ZFYVE9: variants seen among roughly 807,000 people sequenced by gnomAD.
The protein encoded by ZFYVE9 is zinc finger FYVE domain-containing protein 9.
ZFYVE9 carries 43 observed loss-of-function variants against 126.7 expected under a neutral mutation model. That is an observed-to-expected ratio of 0.34 (90% CI 0.27 to 0.44). The LOEUF is 0.44. ZFYVE9 is among the 20% of genes least tolerant of loss of function. The pLI, the probability that ZFYVE9 is intolerant of heterozygous loss-of-function variation, is 1.00. For synonymous variants in ZFYVE9, 521 were observed against 597.4 expected (o/e 0.87, Z 1.87); for missense variants, 1,476 against 1,697.0 (o/e 0.87, Z 2.29).
chr1:52,223,874 A>G (rs906935177), intron 2 of ZFYVE9, among the ~76,000 whole-genome samples: 7 of 152,172 alleles, frequency 4.6e-5, no homozygotes, highest in African/African-American at 1.7e-4. Context: ...CCAGACTATC[A>G]TGGCAGCCCT....
intron 13 of ZFYVE9, among the ~76,000 whole-genome samples, chr1:52,326,713 A>AAC (rs921182944): frequency 1.3e-5 from 2 of 151,158 alleles, no homozygotes; most frequent in African/African-American, 4.9e-5. Context: ...AAAAAAAAAA[A>AAC]ATAGCTGGAC....
chr1:52,309,754 TAATG>T (rs1472892219), intron 13 of ZFYVE9, among the ~76,000 whole-genome samples: 1 of 152,088 alleles, frequency 6.6e-6, no homozygotes, highest in African/African-American at 2.4e-5. Flanking sequence ...AAAAGTGACT[TAATG>T]AAAGCAGGAT....
At chr1:52,177,495 A>G (rs1261585616) in intron 1 of ZFYVE9, among the ~76,000 whole-genome samples, 1 of 152,202 alleles carries the variant, frequency 6.6e-6, no homozygotes, top group African/African-American at 2.4e-5. Flanking sequence ...TCTGTCCAGT[A>G]CATGACCCAT....
chr1:52,233,214 A>G lies in ZFYVE9; in HGVS notation c.8A>G (p.Asn3Ser). Reference protein sequence around the residue: MENYFQAEAYNLD... With the variant: MESYFQAEAYNLD... ...AGTGGTGTTTCCTCACCGATGGAGA[A>G]TTACTTCCAAGCAGAAGCTTACAAC... is the stretch of plus-strand genomic sequence containing the variant. Residue 3 changes from asparagine to serine, a missense_variant, in exon 3 of 19, where the codon AAT (asparagine) becomes AGT (serine). By Grantham distance (46) the Asn-to-Ser change is conservative. Around this residue, in one of 2 missense-constraint regions of ZFYVE9, gnomAD observed 807 missense variants for 794.6 expected, o/e 1.02. Transcript: ENST00000287727. 1 of 1,579,712 alleles carries G rather than the reference A, an allele frequency of 6.3e-7. No homozygotes were observed. The highest frequency in any genetic ancestry group is 8.6e-7 in the Non-Finnish European group (1 of 1,160,160).
Position 52,263,776 on chromosome 1 carries a change from T to G in ZFYVE9, c.2182T>G (p.Phe728Val). ...CTTCCCCCCCCCCCCCCCACAGGTT[T>G]TCTGTGCTTCCTGCTGTAGCCTGAA... is the stretch of plus-strand genomic sequence containing the variant. ...RHHCRACGKV[F>V]CASCCSLKCK... The change falls in exon 5 of 19, where the codon TTC becomes GTC. Residue 728 changes from phenylalanine to valine, a missense_variant. By Grantham distance (50) the Phe-to-Val change is conservative. This residue lies in a region of ZFYVE9 where 669 missense variants were observed against 902.4 expected (regional missense o/e 0.74). Transcript: ENST00000287727. 2.4e-6 allele frequency: 2 copies of G among 830,748 alleles called. No individual in the cohort carries two copies. The highest frequency in any genetic ancestry group is 3.5e-6 in the Non-Finnish European group (2 of 578,662). 51.5% of individuals were successfully genotyped at this position (830,748 alleles called of 1,614,324 possible).
At chr1:52,170,691 G>T (rs1335215171) in intron 1 of ZFYVE9, among the ~76,000 whole-genome samples, 1 of 151,878 alleles carries the variant, frequency 6.6e-6, no homozygotes, top group Non-Finnish European at 1.5e-5. Flanking sequence ...ATTATTATTT[G>T]TTTCAATAAA....
intron 1 of ZFYVE9, among the ~76,000 whole-genome samples, chr1:52,204,789 C>T (rs929143938): frequency 6.6e-6 from 1 of 152,172 alleles, no homozygotes; most frequent in African/African-American, 2.4e-5. Context: ...GTTCCCTTTC[C>T]CCTTTCCCTG....
intron 13 of ZFYVE9, among the ~76,000 whole-genome samples, chr1:52,323,582 T>A (rs1646261664): frequency 6.6e-6 from 1 of 152,196 alleles, no homozygotes; most frequent in South Asian, 2.1e-4. Flanking sequence ...GAAGGCAGCC[T>A]GGGCACATAG....
At chr1:52,167,076 T>A (rs1231401651) in intron 1 of ZFYVE9, among the ~76,000 whole-genome samples, 1 of 152,232 alleles carries the variant, frequency 6.6e-6, no homozygotes, top group East Asian at 1.9e-4. Context: ...AAAAGAAATG[T>A]CTGCTTCATT....
intron 2 of ZFYVE9, 59 bp from the exon 3 acceptor site, chr1:52,233,112 C>A: frequency 1.3e-6 from 1 of 782,556 alleles, no homozygotes; most frequent in South Asian, 4.0e-5. Context: ...TGTGTATATA[C>A]TTAAGATTTA....
intron 1 of ZFYVE9, among the ~76,000 whole-genome samples, chr1:52,151,367 T>A (rs2124495631): frequency 6.6e-6 from 1 of 152,236 alleles, no homozygotes; most frequent in South Asian, 2.1e-4. Context: ...AACTGAGGCT[T>A]GGAGAGTTTT....
intron 4 of ZFYVE9, among the ~76,000 whole-genome samples, chr1:52,246,734 A>C (rs1297756199): frequency 5.8e-4 from 54 of 92,498 alleles, no homozygotes; most frequent in Admixed American, 1.0e-3. Flanking sequence ...ATGGAGTTTC[A>C]CTCTTGTTGC....
In ZFYVE9 at chr1:52,239,102, C is replaced by A. The variant is rs757129930; in HGVS notation, c.1685C>A (p.Ser562Tyr). The change falls in exon 4 of 19, where the codon TCC (serine) becomes TAC (tyrosine). Residue 562 changes from serine to tyrosine, a missense_variant. Physicochemically the swap from Ser to Tyr is moderately radical, Grantham distance 144. Transcript: ENST00000287727. ...GTTCCATCAGTGCTTGGGCAATCTT[C>A]CCCCAAGGTAGTAGCAAGCCTGCCA... Reference protein sequence around the residue: ...SQVPSVLGQSSPKVVASLPSI... With the variant: ...SQVPSVLGQSYPKVVASLPSI... 1 of 1,614,082 alleles carries A rather than the reference C, an allele frequency of 6.2e-7. No homozygotes were observed. The highest frequency in any genetic ancestry group is 8.5e-7 in the Non-Finnish European group (1 of 1,179,994).
chr1:52,246,066 T>A (rs1400996720), intron 4 of ZFYVE9, among the ~76,000 whole-genome samples: 1 of 152,142 alleles, frequency 6.6e-6, no homozygotes, highest in Non-Finnish European at 1.5e-5. Flanking sequence ...CAGCTGGGAC[T>A]ACAGGCACAC....
chr1:52,312,726 G>C (rs1646149539), intron 13 of ZFYVE9, among the ~76,000 whole-genome samples: 1 of 152,178 alleles, frequency 6.6e-6, no homozygotes, highest in Admixed American at 6.5e-5. Flanking sequence ...TAAGACCAAA[G>C]TTATGGCTAT....
At chr1:52,295,783 T>C in intron 11 of ZFYVE9, 112 bp from the exon 12 acceptor site, 1 of 819,252 alleles carries the variant, frequency 1.2e-6, no homozygotes, top group Non-Finnish European at 1.9e-6. Flanking sequence ...AAATTTGATA[T>C]GTTCTAATGA....
intron 14 of ZFYVE9, among the ~76,000 whole-genome samples, 192 bp downstream of exon 14, chr1:52,333,110 T>C (rs1471952887): frequency 6.6e-6 from 1 of 151,982 alleles, no homozygotes; most frequent in Non-Finnish European, 1.5e-5. Context: ...AAATGGGATA[T>C]GTGTTATTGA....
chr1:52,234,475 C>T (rs1051493059), intron 3 of ZFYVE9, among the ~76,000 whole-genome samples: 6 of 152,026 alleles, frequency 3.9e-5, no homozygotes, highest in Admixed American at 1.3e-4. Flanking sequence ...AATAATAAAG[C>T]CCATGATTTC....
chr1:52,247,752 C>T (rs1645402463), intron 4 of ZFYVE9, among the ~76,000 whole-genome samples: 1 of 152,134 alleles, frequency 6.6e-6, no homozygotes, highest in Admixed American at 6.5e-5. Context: ...CCGTCTTGGC[C>T]TCCTAAAGTG....
Sources: gnomAD v4.1 joint callset for allele counts (sites outside exome capture counted in the v4.1 genomes callset) on GRCh38, gnomAD v4.1.1 for gene constraint, gnomAD v4.1.1 regional missense constraint, MANE v1.5 for transcripts, NCBI Gene and HGNC (gene_info 2026-07-23, HGNC 2026-07-21) for gene names.